The following RSF1 variants were observed in gnomAD, a reference collection of about 807,000 sequenced individuals.
RSF1 encodes HBV pX-associated protein 8.
In RSF1, 13 loss-of-function variants were observed where a neutral mutation model predicts 145.2. The observed-to-expected ratio is 0.09, with a 90% CI of 0.06 to 0.14. The LOEUF is 0.14. Among genes scored for constraint, RSF1 ranks in the 10% least tolerant of loss-of-function variants. The pLI is 1.00. For synonymous variants in RSF1, 577 were observed against 592.6 expected (o/e 0.97, Z 0.38); for missense variants, 1,517 against 1,718.2 (o/e 0.88, Z 2.07).
rs1960419529 is a variant in RSF1, at chr11:77,701,416, G to T, written c.1813C>A (p.Pro605Thr). ...CTCTTTGGAACTTCTTCTGGTATTGGACTCAATCTTTGTGCGTCCTTATCA... is the reference window on the plus strand; with the variant it reads ...CTCTTTGGAACTTCTTCTGGTATTGTACTCAATCTTTGTGCGTCCTTATCA... ...FLDKDAQRLS[P>T]IPEEVPKSTL... The change falls in exon 6 of 16, where the codon CCA becomes ACA. Residue 605 changes from proline to threonine, a missense_variant. Physicochemically the swap from Pro to Thr is conservative, Grantham distance 38. Transcript: ENST00000308488. 1.1e-5 allele frequency: 18 copies of T among 1,614,060 alleles called. No homozygotes were observed. The highest frequency in any genetic ancestry group is 1.5e-5 in the Non-Finnish European group (18 of 1,180,026).
rs776439185 is a variant in RSF1, at chr11:77,747,045, T to C, written c.363A>G (p.Ala121=). ...YLEMSVECKL[A]LLKYLCECQF... is the part of the protein sequence containing the mutation. Reference sequence around the variant, plus strand: ...ATAATAGATTTATTACCTTTAAGAGTGCTAGTTTGCATTCAACACTCATTT... The same window carrying C: ...ATAATAGATTTATTACCTTTAAGAGCGCTAGTTTGCATTCAACACTCATTT... Residue 121 remains alanine (A), a synonymous_variant, in exon 3 of 16, where the codon GCA becomes GCG. Transcript: ENST00000308488. 4 of 1,587,598 alleles carry C rather than the reference T, an allele frequency of 2.5e-6. No individual in the cohort carries two copies. The highest frequency in any genetic ancestry group is 3.5e-6 in the Non-Finnish European group (4 of 1,156,398).
chr11:77,734,914 A>C, intron 4 of RSF1: 1 of 1,583,458 alleles, frequency 6.3e-7, no homozygotes. Context: ...GCAGTAAGAC[A>C]TGGACAGGTA....
At chr11:77,707,285 A>G (rs1211525725) in intron 5 of RSF1, among the ~76,000 whole-genome samples, 12 of 152,220 alleles carry the variant, frequency 7.9e-5, no homozygotes, top group Admixed American at 6.5e-4. Flanking sequence ...AATGTTGGCA[A>G]ATAACATCAA....
chr11:77,783,662 C>T (rs977213941), intron 1 of RSF1, among the ~76,000 whole-genome samples: 3 of 151,778 alleles, frequency 2.0e-5, no homozygotes, highest in East Asian at 1.9e-4. Context: ...GGCAACACAG[C>T]GAGACCTAGT....
chr11:77,672,125 C>T lies in RSF1; in HGVS notation c.3668G>A (p.Ser1223Asn). ...RQINYKEDSE[S>N]DGSQKSLRRG... is the part of the protein sequence containing the mutation. ...TCGCAAACTCTTCTGGGAACCGTCA[C>T]TTTCTGAGTCTTCTTTGTAGTTAAT... The change falls in exon 15 of 16, where the codon AGT becomes AAT. Residue 1223 changes from serine (S) to asparagine (N), a missense_variant. Ser to Asn is a conservative substitution (Grantham distance 46, BLOSUM62 1). Coordinates refer to ENST00000308488, the MANE Select transcript of RSF1 (RefSeq NM_016578.4). 6.2e-7 allele frequency: 1 copy of T among 1,614,014 alleles called. No individual in the cohort carries two copies. The highest frequency in any genetic ancestry group is 2.2e-5 in the East Asian group (1 of 44,900).
intron 3 of RSF1, among the ~76,000 whole-genome samples, chr11:77,742,416 A>C (rs1309506628): frequency 6.6e-6 from 1 of 152,094 alleles, no homozygotes; most frequent in African/African-American, 2.4e-5. Flanking sequence ...AGTAGCTGGG[A>C]CTACAGGGGC....
At chr11:77,868,813 A>C in the RSF1 span, 1 of 218,886 alleles carries the variant, frequency 4.6e-6, no homozygotes, top group Non-Finnish European at 1.0e-5. Flanking sequence ...CTGGCGCTTA[A>C]TTTGAACCCG....
At chr11:77,767,875 T>A (rs1948241842) in intron 1 of RSF1, among the ~76,000 whole-genome samples, 1 of 152,190 alleles carries the variant, frequency 6.6e-6, no homozygotes, top group South Asian at 2.1e-4. Flanking sequence ...TACTATTTTT[T>A]AAAAGCCAAT....
chr11:77,781,426 C>T (rs1361666613), intron 1 of RSF1, among the ~76,000 whole-genome samples: 1 of 152,146 alleles, frequency 6.6e-6, no homozygotes, highest in African/African-American at 2.4e-5. Flanking sequence ...ATAAATAAAG[C>T]TGCTATGAAT....
At chr11:77,719,960 T>C (rs1166645410) in intron 5 of RSF1, among the ~76,000 whole-genome samples, 1 of 152,060 alleles carries the variant, frequency 6.6e-6, no homozygotes, top group Non-Finnish European at 1.5e-5. Context: ...AGATTAATGG[T>C]TTACAGGGGA....
the RSF1 span, among the ~76,000 whole-genome samples, chr11:77,848,366 CTTTT>C: frequency 1.3e-5 from 2 of 149,540 alleles, no homozygotes; most frequent in Non-Finnish European, 3.0e-5. Flanking sequence ...TAACCTCATT[CTTTT>C]TTTTTTGAGA....
At chr11:77,843,411 A>G in the RSF1 span, among the ~76,000 whole-genome samples, 3 of 152,148 alleles carry the variant, frequency 2.0e-5, no homozygotes, top group Non-Finnish European at 4.4e-5. Context: ...TGGGGGCAGG[A>G]TGAGAGGCAC....
intron 5 of RSF1, among the ~76,000 whole-genome samples, chr11:77,720,693 T>C (rs532585978): frequency 6.6e-6 from 1 of 151,952 alleles, no homozygotes; most frequent in Non-Finnish European, 1.5e-5. Context: ...TTCATGGGAG[T>C]TGGGGAGACA....
chr11:77,734,711 G>A, intron 4 of RSF1: 1 of 1,437,488 alleles, frequency 7.0e-7, no homozygotes. Context: ...TTTTCCAAAT[G>A]TAATGCACAC....
At chr11:77,768,635 G>A (rs1008146480) in intron 1 of RSF1, among the ~76,000 whole-genome samples, 1 of 152,260 alleles carries the variant, frequency 6.6e-6, no homozygotes, top group Middle Eastern at 3.4e-3. Context: ...GGATAGCACT[G>A]CATAGTGTAG....
At chr11:77,822,346 C>T (rs1483579595), upstream of RSF1, among the ~76,000 whole-genome samples, 2 of 134,144 alleles carry the variant, frequency 1.5e-5, no homozygotes, top group East Asian at 4.4e-4. Context: ...ACCGGGGAGG[C>T]GAAGGTTGCA....
At chr11:77,813,290 C>T in intron 1 of RSF1, 1 of 713,328 alleles carries the variant, frequency 1.4e-6, no homozygotes, top group Non-Finnish European at 2.5e-6. Flanking sequence ...TTTTTAACAA[C>T]TGGTAATCAA....
the RSF1 span, among the ~76,000 whole-genome samples, chr11:77,835,856 C>T: frequency 2.0e-4 from 30 of 151,724 alleles, no homozygotes; most frequent in African/African-American, 7.3e-4. Flanking sequence ...TGCAGTGAGC[C>T]GAGATCATGC....
chr11:77,789,477 C>A (rs1158974074), intron 1 of RSF1, among the ~76,000 whole-genome samples: 2 of 152,206 alleles, frequency 1.3e-5, no homozygotes, highest in African/African-American at 4.8e-5. Context: ...ACAAGCAAGG[C>A]ACAGGCTACC....
Sources: gnomAD v4.1 joint callset for allele counts (sites outside exome capture counted in the v4.1 genomes callset) on GRCh38, gnomAD v4.1.1 for gene constraint, MANE v1.5 for transcripts, NCBI Gene and HGNC (gene_info 2026-07-23, HGNC 2026-07-21) for gene names.